The following PCDHA12 variants were observed in gnomAD, a reference collection of about 807,000 sequenced individuals.
PCDHA12 encodes the protein protocadherin alpha-12.
In PCDHA12, 44 loss-of-function variants were observed where a neutral mutation model predicts 60.0. That is an observed-to-expected ratio of 0.73 (90% confidence interval 0.58 to 0.94). The LOEUF (loss-of-function observed/expected upper bound fraction) is 0.94. Ranked by LOEUF, PCDHA12 falls within the 40% of genes least tolerant of loss-of-function variation. The pLI is 0.00. For missense variants in PCDHA12, 1,276 were observed against 1,239.7 expected (o/e 1.03, Z -0.44); for synonymous variants, 569 against 553.0 (o/e 1.03, Z -0.40).
At chr5:140,895,892 A>G (rs1554186717) in intron 1 of PCDHA12, among the ~76,000 whole-genome samples, 1 of 152,080 alleles carries the variant, frequency 6.6e-6, no homozygotes, top group East Asian at 1.9e-4. Flanking sequence ...GCTCACTGCA[A>G]CCTCCGCGTC....
chr5:140,935,172 A>G (rs1278781509), intron 1 of PCDHA12, among the ~76,000 whole-genome samples: 34 of 152,164 alleles, frequency 2.2e-4, no homozygotes, highest in Admixed American at 2.1e-3. Context: ...AGGTGTGCTT[A>G]TTGCTGCTGG....
intron 3 of PCDHA12, among the ~76,000 whole-genome samples, chr5:140,990,473 C>G (rs1268910696): frequency 6.6e-6 from 1 of 152,186 alleles, no homozygotes; most frequent in Non-Finnish European, 1.5e-5. Flanking sequence ...TATCATGTAT[C>G]AAGCTGAATA....
At chr5:140,982,214 TG>T in intron 2 of PCDHA12, 1 of 485,000 alleles carries the variant, frequency 2.1e-6, no homozygotes, top group Non-Finnish European at 3.3e-6. Flanking sequence ...GAGCGCCACA[TG>T]GCGTTAATAA....
At chr5:140,989,656 A>T (rs2153884121) in intron 3 of PCDHA12, among the ~76,000 whole-genome samples, 1 of 152,326 alleles carries the variant, frequency 6.6e-6, no homozygotes, top group Non-Finnish European at 1.5e-5. Context: ...GCAATATTTT[A>T]AAAGAAACTC....
In PCDHA12 at chr5:140,877,338, C is replaced by G. The variant is rs1554169617; in HGVS notation, c.1866C>G (p.Phe622Leu). Residue 622 changes from phenylalanine (F) to leucine (L), a missense_variant, in exon 1 of 4, where the codon TTC becomes TTG. Physicochemically the swap from Phe to Leu is conservative, Grantham distance 22. Coordinates refer to ENST00000398631, the MANE Select transcript of PCDHA12 (RefSeq NM_018903.4). ...CGGCGGTCGGCGCGCACATCCCGTT[C>G]CACGTGGGGCTGTACACTGGCGAGA... ...QPAAVGAHIP[F>L]HVGLYTGEIS... is the part of the protein sequence containing the mutation. 2 of 1,614,012 alleles carry G rather than the reference C, an allele frequency of 1.2e-6. No homozygotes were observed. The highest frequency in any genetic ancestry group is 2.2e-5 in the South Asian group (2 of 91,082).
At chr5:140,922,210 A>AAC (rs2080722350) in intron 1 of PCDHA12, among the ~76,000 whole-genome samples, 2 of 152,232 alleles carry the variant, frequency 1.3e-5, no homozygotes, top group Admixed American at 1.3e-4. Context: ...GAAACTTTGT[A>AAC]AAACATTTGA....
chr5:140,954,442 G>C (rs2095039188), intron 1 of PCDHA12, among the ~76,000 whole-genome samples: 1 of 151,940 alleles, frequency 6.6e-6, no homozygotes, highest in South Asian at 2.1e-4. Flanking sequence ...GTTGTTTCTG[G>C]ACTTGTTAAT....
At chr5:140,975,553 G>T (rs990389718) in intron 1 of PCDHA12, among the ~76,000 whole-genome samples, 2 of 152,226 alleles carry the variant, frequency 1.3e-5, no homozygotes, top group Non-Finnish European at 2.9e-5. Context: ...TATTAGGAAG[G>T]AAAAGGAGAT....
intron 1 of PCDHA12, chr5:140,881,499 C>A: frequency 3.8e-6 from 1 of 261,884 alleles, no homozygotes; most frequent in Non-Finnish European, 5.9e-6. Context: ...TGCACATACA[C>A]ACACTCACAT....
At chr5:140,975,847 C>T (rs895067113) in intron 1 of PCDHA12, among the ~76,000 whole-genome samples, 1 of 152,100 alleles carries the variant, frequency 6.6e-6, no homozygotes, top group East Asian at 1.9e-4. Flanking sequence ...TTCAGTAATA[C>T]TACATCACCC....
chr5:140,882,545 G>A (rs1174281421), intron 1 of PCDHA12: 4 of 1,614,238 alleles, frequency 2.5e-6, no homozygotes. Context: ...GATCGACCGC[G>A]AGGAGCTGTG....
chr5:140,909,684 G>A (rs2074634664), intron 1 of PCDHA12, among the ~76,000 whole-genome samples: 1 of 152,220 alleles, frequency 6.6e-6, no homozygotes, highest in Non-Finnish European at 1.5e-5. Context: ...GGGAGCCAAT[G>A]TGGGGGTTCT....
At chr5:140,987,480 A>C (rs1489888830) in intron 3 of PCDHA12, among the ~76,000 whole-genome samples, 2 of 152,192 alleles carry the variant, frequency 1.3e-5, no homozygotes, top group African/African-American at 4.8e-5. Flanking sequence ...CTTGGGAGTC[A>C]GTGACCCTTT....
At chr5:140,966,655 G>C in intron 1 of PCDHA12, 1 of 1,195,250 alleles carries the variant, frequency 8.4e-7, no homozygotes, top group South Asian at 2.0e-5. Context: ...CGTGAGCGGT[G>C]GGGGAGCAGG....
At chr5:140,979,068 C>G in intron 2 of PCDHA12, 61 bp downstream of exon 2, 1 of 1,602,182 alleles carries the variant, frequency 6.2e-7, no homozygotes. Flanking sequence ...CTCAGATAAA[C>G]TGCATCTCCA....
intron 1 of PCDHA12, among the ~76,000 whole-genome samples, chr5:140,964,646 G>A (rs1554227128): frequency 6.6e-6 from 1 of 152,004 alleles, no homozygotes; most frequent in African/African-American, 2.4e-5. Context: ...TCAGAAACAA[G>A]TAATGGGTGA....
chr5:140,877,068 G>T lies in PCDHA12; in HGVS notation c.1596G>T (p.Gln532His). ...ACCACGAGGAGCTGGAGCTGCTGCAGTTCCAGGTGAGCGCGCGCGACGCCG... is the reference window on the plus strand; with the variant it reads ...ACCACGAGGAGCTGGAGCTGCTGCATTTCCAGGTGAGCGCGCGCGACGCCG... Reference protein sequence around the residue: ...PLDHEELELLQFQVSARDAGV... With the variant: ...PLDHEELELLHFQVSARDAGV... The change falls in exon 1 of 4, where the codon CAG (glutamine) becomes CAT (histidine). Residue 532 changes from glutamine to histidine, a missense_variant. Transcript: ENST00000398631. The T allele has an allele frequency of 6.2e-7, 1 of 1,613,122 alleles. No individual in the cohort carries two copies. Among genetic ancestry groups the T allele is most frequent in the African/African-American group, 1.3e-5 (1 of 75,042 alleles).
At chr5:140,882,561 G>A in intron 1 of PCDHA12, 2 of 1,614,222 alleles carry the variant, frequency 1.2e-6, no homozygotes, top group Non-Finnish European at 1.7e-6. Flanking sequence ...CTGTGTGGGC[G>A]GAGCGCGGAG....
chr5:140,953,881 A>G (rs1481970999), intron 1 of PCDHA12, among the ~76,000 whole-genome samples: 2 of 152,130 alleles, frequency 1.3e-5, no homozygotes, highest in Non-Finnish European at 2.9e-5. Flanking sequence ...AGATCAACCC[A>G]TCACCTAGGT....
Sources: gnomAD v4.1 joint callset for allele counts (sites outside exome capture counted in the v4.1 genomes callset) on GRCh38, gnomAD v4.1.1 for gene constraint, MANE v1.5 for transcripts, NCBI Gene and HGNC (gene_info 2026-07-23, HGNC 2026-07-21) for gene names.